The following CPQ variants were observed in gnomAD, a reference collection of about 807,000 sequenced individuals.
The protein encoded by CPQ is carboxypeptidase Q, also known as Ser-Met dipeptidase.
In CPQ, 37 loss-of-function variants were observed where a neutral mutation model predicts 45.7. That is an observed-to-expected ratio of 0.81 (90% CI 0.62 to 1.07). The LOEUF (loss-of-function observed/expected upper bound fraction) is 1.07. Ranked by LOEUF, CPQ falls within the 50% of genes least tolerant of loss-of-function variation. CPQ has a pLI of 0.00. For synonymous variants in CPQ, 186 were observed against 205.8 expected (o/e 0.90, Z 0.82); for missense variants, 537 against 572.9 (o/e 0.94, Z 0.64).
chr8:96,782,470 T>C (rs1341227293), intron 1 of CPQ, among the ~76,000 whole-genome samples: 1 of 152,154 alleles, frequency 6.6e-6, no homozygotes. Context: ...GGTGCCTCTT[T>C]GGAAACTTTG....
chr8:96,701,801 A>G (rs1377939681), intron 1 of CPQ, among the ~76,000 whole-genome samples: 3 of 152,174 alleles, frequency 2.0e-5, no homozygotes, highest in African/African-American at 4.8e-5. Flanking sequence ...CACTCAGAGC[A>G]GGCCTCAGTG....
intron 1 of CPQ, among the ~76,000 whole-genome samples, chr8:96,777,724 AT>A (rs2130802923): frequency 4.6e-4 from 2 of 4,328 alleles, no homozygotes; most frequent in Admixed American, 4.3e-3. Context: ...GTCTTAGAAA[AT>A]ATATATATAT....
chr8:96,658,811 T>A (rs566602084), intron 1 of CPQ, among the ~76,000 whole-genome samples: 1 of 152,164 alleles, frequency 6.6e-6, no homozygotes, highest in Admixed American at 6.5e-5. Flanking sequence ...AGCCAAGGAA[T>A]GTGGGTGGCC....
intron 4 of CPQ, among the ~76,000 whole-genome samples, chr8:96,886,224 TGG>T (rs1812305737): frequency 6.6e-6 from 1 of 152,166 alleles, no homozygotes; most frequent in Middle Eastern, 3.2e-3. Flanking sequence ...TGCACTTCAC[TGG>T]GGCTAAAGCA....
At chr8:96,892,024 CT>C (rs985748018) in intron 4 of CPQ, among the ~76,000 whole-genome samples, 1 of 151,980 alleles carries the variant, frequency 6.6e-6, no homozygotes, top group Admixed American at 6.6e-5. Context: ...TAGTGTTACT[CT>C]TTTTTTTAAG....
intron 1 of CPQ, among the ~76,000 whole-genome samples, chr8:96,741,868 A>G (rs1336128692): frequency 1.4e-5 from 2 of 145,648 alleles, no homozygotes; most frequent in Non-Finnish European, 3.0e-5. Flanking sequence ...GTTCTTTTAC[A>G]TTTGCTGAGG....
At chr8:96,921,142 A>C (rs1039413632) in intron 4 of CPQ, among the ~76,000 whole-genome samples, 6 of 152,176 alleles carry the variant, frequency 3.9e-5, no homozygotes, top group Non-Finnish European at 8.8e-5. Flanking sequence ...ATAGCTGCTC[A>C]GGGGGCAGGT....
chr8:96,896,586 G>C (rs1812445929), intron 4 of CPQ, among the ~76,000 whole-genome samples: 1 of 152,054 alleles, frequency 6.6e-6, no homozygotes. Flanking sequence ...ACTGAGCACT[G>C]ATTGCTCATC....
chr8:96,660,531 T>TA (rs370560376), intron 1 of CPQ, among the ~76,000 whole-genome samples: 8 of 152,332 alleles, frequency 5.3e-5, no homozygotes, highest in African/African-American at 1.4e-4. Flanking sequence ...CATGAATGTA[T>TA]AATGGATCAC....
At chr8:96,964,769 TATC>T (rs1414604685) in intron 4 of CPQ, among the ~76,000 whole-genome samples, 1 of 152,216 alleles carries the variant, frequency 6.6e-6, no homozygotes. Context: ...CAGTTTAAGA[TATC>T]TTTGCCTACT....
chr8:96,726,532 A>C (rs1361655489), intron 1 of CPQ, among the ~76,000 whole-genome samples: 1 of 152,118 alleles, frequency 6.6e-6, no homozygotes, highest in African/African-American at 2.4e-5. Context: ...GGCATCTTAC[A>C]TGGCAGGAAC....
chr8:97,065,867 C>A, intron 6 of CPQ, 142 bp from the exon 7 acceptor site: 1 of 768,768 alleles, frequency 1.3e-6, no homozygotes, highest in Non-Finnish European at 2.1e-6. Context: ...ATATGCAGAG[C>A]AGACCTTAAG....
intron 1 of CPQ, among the ~76,000 whole-genome samples, chr8:96,739,188 G>T (rs969888353): frequency 6.8e-6 from 1 of 147,304 alleles, no homozygotes; most frequent in African/African-American, 2.5e-5. Context: ...TTGTGGTTTT[G>T]ATTTGCATTT....
chr8:96,967,995 A>ATAACT (rs776669386), intron 5 of CPQ, among the ~76,000 whole-genome samples: 1 of 152,252 alleles, frequency 6.6e-6, no homozygotes, highest in Non-Finnish European at 1.5e-5. Flanking sequence ...GTTAACTTTT[A>ATAACT]TAACTTAACT....
rs1554573253 is a variant in CPQ, at chr8:96,854,557, A to AAAAAAAAAAACAC, written c.641+19379_641+19380insAAAAAAAACACAA. ...AAAAAAAAAAAAAAAAAAAAAAAAA[A>AAAAAAAAAAACAC]AATGTGGTGGAACTAAAAGCCCAGT... On this transcript the variant is annotated intron_variant, in intron 3 of 7. Transcript: ENST00000220763. 1.6e-4 allele frequency among the ~76,000 whole-genome samples: 12 copies of AAAAAAAAAAACAC among 76,888 alleles called. 2 individuals are homozygous for AAAAAAAAAAACAC. The highest frequency in any genetic ancestry group is 4.0e-4 in the African/African-American group (8 of 20,040). The allele number at this position is 76,888 out of a possible 152,430, so 50.4% of individuals were successfully genotyped here.
intron 7 of CPQ, among the ~76,000 whole-genome samples, chr8:97,071,141 G>C (rs1810735160): frequency 6.6e-6 from 1 of 152,190 alleles, no homozygotes; most frequent in African/African-American, 2.4e-5. Flanking sequence ...GCTTGTGGTA[G>C]ACGGTGTATT....
intron 5 of CPQ, among the ~76,000 whole-genome samples, chr8:96,998,037 A>G (rs1274259554): frequency 1.3e-5 from 2 of 152,008 alleles, no homozygotes; most frequent in Non-Finnish European, 2.9e-5. Flanking sequence ...TCTTCTGCTT[A>G]TCCTGTCTCC....
intron 1 of CPQ, among the ~76,000 whole-genome samples, chr8:96,727,444 AC>A (rs1334058660): frequency 6.6e-6 from 1 of 152,156 alleles, no homozygotes; most frequent in Non-Finnish European, 1.5e-5. Flanking sequence ...AGGTATAAAA[AC>A]ACTCTCAGGA....
At chr8:97,090,912 G>C (rs1012352153) in intron 7 of CPQ, among the ~76,000 whole-genome samples, 1 of 152,136 alleles carries the variant, frequency 6.6e-6, no homozygotes, top group Non-Finnish European at 1.5e-5. Context: ...ATCATAACAG[G>C]ATGCTGCAAG....
Sources: gnomAD v4.1 joint callset for allele counts (sites outside exome capture counted in the v4.1 genomes callset) on GRCh38, gnomAD v4.1.1 for gene constraint, MANE v1.5 for transcripts, NCBI Gene and HGNC (gene_info 2026-07-23, HGNC 2026-07-21) for gene names.